Variants in APBA2 observed in about 807,000 individuals in gnomAD.
APBA2 encodes amyloid-beta A4 precursor protein-binding family A member 2.
Under a neutral mutation model 75.0 loss-of-function variants are expected in APBA2, and 30 were observed. The ratio of observed to expected loss-of-function variants is 0.40; its 90% CI spans 0.30 to 0.54. The LOEUF (loss-of-function observed/expected upper bound fraction) is 0.54, where lower values mean the gene tolerates loss of function less well. Among genes scored for constraint, APBA2 ranks in the 20% least tolerant of loss-of-function variants. The pLI, the probability that APBA2 is intolerant of heterozygous loss-of-function variation, is 0.49. For missense variants in APBA2, 801 were observed against 1,016.1 expected, an observed-to-expected ratio of 0.79 and a Z score of 2.88; for synonymous variants, 444 against 409.6, an observed-to-expected ratio of 1.08 and a Z score of -1.01.
chr15:28,903,272 G>A (rs2032963446), intron 1 of APBA2, among the ~76,000 whole-genome samples: 1 of 152,170 alleles, frequency 6.6e-6, no homozygotes, highest in South Asian at 2.1e-4. Context: ...TTTTTGGGGG[G>A]TGATATTGGT....
intron 1 of APBA2, among the ~76,000 whole-genome samples, chr15:28,891,962 A>G (rs1353907204): frequency 6.6e-6 from 1 of 152,216 alleles, no homozygotes; most frequent in Non-Finnish European, 1.5e-5. Context: ...CTAAGTGTAC[A>G]ATATTTATAA....
At chr15:29,095,499 G>A (rs532058360) in intron 8 of APBA2, among the ~76,000 whole-genome samples, 26 of 152,356 alleles carry the variant, frequency 1.7e-4, no homozygotes, top group Non-Finnish European at 2.5e-4. Flanking sequence ...AAATGCTAGA[G>A]CTTTTCCAAT....
rs370580206 is a variant in APBA2, at chr15:29,106,613, C to T, written c.1711C>T (p.Leu571=). Residue 571 remains leucine (L), a synonymous_variant, in exon 12 of 15, where the codon CTG becomes TTG. Coordinates refer to ENST00000683413, the MANE Select transcript of APBA2 (RefSeq NM_001353788.2). ...SNSENCKELQ[L]EKHKGEILGV... ...ACTGCTGATCCCTTTGCAGCTGCAG[C>T]TGGAGAAGCACAAGGGCGAGATCCT... 1.9e-6 allele frequency: 3 copies of T among 1,613,074 alleles called. No individual in the cohort carries two copies. In the African/African-American group the frequency reaches 4.0e-5, roughly 22 times the overall value.
chr15:28,960,150 A>G (rs1481932115), intron 2 of APBA2, among the ~76,000 whole-genome samples: 1 of 128,932 alleles, frequency 7.8e-6, no homozygotes, highest in Admixed American at 7.5e-5. Context: ...CCTTGTTTCA[A>G]AAAAAAAAAA....
chr15:29,083,565 C>G (rs1403502375), intron 6 of APBA2, among the ~76,000 whole-genome samples: 1 of 152,188 alleles, frequency 6.6e-6, no homozygotes, highest in African/African-American at 2.4e-5. Flanking sequence ...GAGTCTCACT[C>G]TGTCGCCCAG....
At chr15:29,081,500 C>G (rs2043081705) in intron 6 of APBA2, among the ~76,000 whole-genome samples, 1 of 152,180 alleles carries the variant, frequency 6.6e-6, no homozygotes, top group East Asian at 1.9e-4. Flanking sequence ...AGACCAAGAG[C>G]TGCAAGAGTT....
chr15:29,062,777 C>A (rs1451209435), intron 4 of APBA2, among the ~76,000 whole-genome samples: 1 of 152,158 alleles, frequency 6.6e-6, no homozygotes, highest in Admixed American at 6.5e-5. Context: ...AAGCAGAGTG[C>A]GGTGGTTAGG....
Position 28,923,599 on chromosome 15 carries a change from C to T in APBA2, c.-95+1850C>T, listed in dbSNP as rs993108863. 9.2e-5 allele frequency among the ~76,000 whole-genome samples: 14 copies of T among 152,134 alleles called. No individual in the cohort carries two copies. In the East Asian group the frequency reaches 1.2e-3, roughly 13 times the overall value. On this transcript the variant is annotated intron_variant, in intron 2 of 14. Coordinates refer to ENST00000683413, the MANE Select transcript of APBA2 (RefSeq NM_001353788.2). The stretch of plus-strand genomic sequence containing the variant: ...TGTGGGGTGGGGGGAGGGGCCTCAG[C>T]GCTCAGCAGACAGGTGCTCACTGGT...
intron 3 of APBA2, among the ~76,000 whole-genome samples, chr15:29,013,047 ATTTCGTC>A (rs2039477347): frequency 6.6e-6 from 1 of 152,118 alleles, no homozygotes; most frequent in South Asian, 2.1e-4. Context: ...ATTTAAAAAA[ATTTCGTC>A]AAGAGTTTCT....
intron 2 of APBA2, among the ~76,000 whole-genome samples, chr15:28,967,587 T>C (rs566655471): frequency 6.6e-6 from 1 of 152,114 alleles, no homozygotes; most frequent in African/African-American, 2.4e-5. Context: ...TACAGACACC[T>C]GCCACCACGC....
intron 2 of APBA2, among the ~76,000 whole-genome samples, chr15:28,976,459 T>C (rs1029384874): frequency 2.6e-5 from 4 of 152,242 alleles, no homozygotes; most frequent in African/African-American, 9.6e-5. Flanking sequence ...TGGAGTTTGC[T>C]GTGGACTTGT....
Position 29,117,085 on chromosome 15 carries a change from C to T in APBA2, c.2202C>T (p.Ala734=), listed in dbSNP as rs142964847. ...VGEIHMKTMP[A]AMFRLLTGQE... The stretch of plus-strand genomic sequence containing the variant: ...AGATCCACATGAAGACCATGCCCGC[C>T]GCCATGTTCAGGCTCCTCACGGGTC... The change falls in exon 15 of 15, where the codon GCC becomes GCT. Residue 734 remains alanine, a synonymous_variant. Transcript: ENST00000683413. The T allele has an allele frequency of 2.8e-5, 45 of 1,613,280 alleles. No individual in the cohort carries two copies. The highest frequency in any genetic ancestry group is 6.7e-5 in the African/African-American group (5 of 75,038).
rs202129575 is a variant in APBA2 at position 29,113,861 on chromosome 15, G to A, written c.2038-15G>A. The A allele has an allele frequency of 5.0e-5, 80 of 1,607,966 alleles. No homozygotes were observed. The African/African-American group carries it at 1.0e-3, about 21-fold the overall frequency. ...TGGCGGGAACACGTGTGCTGACCTG[G>A]CCATGTCTGCTTAGATCTGCAGCCT... On this transcript the variant is annotated splice_polypyrimidine_tract_variant and intron_variant, in intron 13 of 14. Transcript: ENST00000683413.
intron 2 of APBA2, among the ~76,000 whole-genome samples, chr15:28,931,650 T>A (rs1454335042): frequency 6.6e-6 from 1 of 152,206 alleles, no homozygotes. Context: ...CTCCATGTAG[T>A]TCAGGAGTTG....
rs144531847 is a variant in APBA2, at chr15:29,091,110, C to T, written c.1070-1965C>T. 1.3e-3 allele frequency among the ~76,000 whole-genome samples: 201 copies of T among 152,272 alleles called. 1 individual carries two copies. The highest frequency in any genetic ancestry group is 2.1e-3 in the South Asian group (10 of 4,826). On this transcript the variant is annotated intron_variant, in intron 6 of 14. Transcript: ENST00000683413. The stretch of plus-strand genomic sequence containing the variant: ...CTGAGAGACAGGTGGACAGGGGTTC[C>T]TCCCCTGGTGCCACCCCTGAATCCC...
intron 4 of APBA2, among the ~76,000 whole-genome samples, chr15:29,067,007 A>G (rs2042406628): frequency 6.6e-6 from 1 of 152,216 alleles, no homozygotes; most frequent in African/African-American, 2.4e-5. Context: ...GACAGAAGGC[A>G]GAGTGGGAGC....
chr15:28,910,696 C>T (rs1391955481), intron 1 of APBA2, among the ~76,000 whole-genome samples: 1 of 152,192 alleles, frequency 6.6e-6, no homozygotes, highest in East Asian at 1.9e-4. Context: ...TCCTGGAGAT[C>T]AGAACCATGT....
intron 3 of APBA2, among the ~76,000 whole-genome samples, chr15:29,042,584 A>G (rs1372569050): frequency 1.3e-5 from 2 of 152,122 alleles, no homozygotes; most frequent in African/African-American, 4.8e-5. Flanking sequence ...TAAACAAAGT[A>G]TATTCTGAGG....
intron 8 of APBA2, among the ~76,000 whole-genome samples, chr15:29,095,150 G>A (rs887799754): frequency 4.6e-5 from 7 of 152,296 alleles, no homozygotes; most frequent in Middle Eastern, 6.8e-3. Flanking sequence ...CACTGAGGCC[G>A]GGCGCCGTGG....
Sources: gnomAD v4.1 joint callset for allele counts (sites outside exome capture counted in the v4.1 genomes callset) on GRCh38, gnomAD v4.1.1 for gene constraint, MANE v1.5 for transcripts, NCBI Gene and HGNC (gene_info 2026-07-23, HGNC 2026-07-21) for gene names.